CCDC40: variants seen among roughly 807,000 people sequenced by gnomAD.
The protein encoded by CCDC40 is coiled-coil domain 40 molecular ruler complex subunit, also known as coiled-coil domain-containing protein 40.
CCDC40 carries 104 observed loss-of-function variants against 124.5 expected under a neutral mutation model. That is an observed-to-expected ratio of 0.84 (90% CI 0.71 to 0.98). The LOEUF (loss-of-function observed/expected upper bound fraction) is 0.98, where lower values mean the gene tolerates loss of function less well. CCDC40 is among the 50% of genes least tolerant of loss of function. CCDC40 has a pLI of 0.00. For synonymous variants in CCDC40, 580 were observed against 602.9 expected (o/e 0.96, Z 0.56); for missense variants, 1,463 against 1,503.9 (o/e 0.97, Z 0.45).
intron 18 of CCDC40, 98 bp downstream of exon 18, chr17:80,095,549 C>G: frequency 1.7e-6 from 2 of 1,171,964 alleles, no homozygotes; most frequent in Non-Finnish European, 2.5e-6. Flanking sequence ...GGTGAGGATG[C>G]AGAGGCTGCA....
intron 10 of CCDC40, among the ~76,000 whole-genome samples, chr17:80,072,247 G>A (rs1001555710): frequency 6.6e-6 from 1 of 152,068 alleles, no homozygotes; most frequent in Admixed American, 6.6e-5. Flanking sequence ...GCTGATCTAC[G>A]GAGTTTTTAA....
intron 18 of CCDC40, among the ~76,000 whole-genome samples, chr17:80,095,905 T>C (rs1019088937): frequency 6.6e-6 from 1 of 152,106 alleles, no homozygotes; most frequent in Non-Finnish European, 1.5e-5. Flanking sequence ...GACCAGCTGA[T>C]GGGAGCGGGG....
At chr17:80,073,925 A>G (rs754966587) in intron 10 of CCDC40, among the ~76,000 whole-genome samples, 9 of 152,064 alleles carry the variant, frequency 5.9e-5, no homozygotes, top group Non-Finnish European at 1.2e-4. Context: ...ACGTCAAATG[A>G]TCTGCCTGCC....
intron 3 of CCDC40, among the ~76,000 whole-genome samples, chr17:80,042,194 C>G (rs1004184485): frequency 7.2e-5 from 11 of 152,156 alleles, no homozygotes; most frequent in Non-Finnish European, 1.6e-4. Flanking sequence ...TCTTGGTTCA[C>G]AGCAACCTCT....
chr17:80,037,720 T>TATATATA (rs1555889200), intron 1 of CCDC40, among the ~76,000 whole-genome samples: 55 of 141,358 alleles, frequency 3.9e-4, no homozygotes, highest in East Asian at 1.1e-3. Context: ...TATATATATA[T>TATATATA]TCCTGTGCTA....
chr17:80,082,484 G>A (rs984211509), intron 12 of CCDC40, among the ~76,000 whole-genome samples: 2 of 151,844 alleles, frequency 1.3e-5, no homozygotes, highest in Non-Finnish European at 2.9e-5. Flanking sequence ...AGGGGTGACC[G>A]CCTCCCCAAC....
chr17:80,045,474 C>G (rs902622975), intron 3 of CCDC40, among the ~76,000 whole-genome samples: 1 of 152,082 alleles, frequency 6.6e-6, no homozygotes, highest in Non-Finnish European at 1.5e-5. Flanking sequence ...GAGGCCGAGG[C>G]GGGTGGATCA....
chr17:80,050,242 A>G lies in CCDC40; in HGVS notation c.1118A>G (p.Tyr373Cys). 1 of 1,594,774 alleles carries G rather than the reference A, an allele frequency of 6.3e-7. No homozygotes were observed. Among genetic ancestry groups the G allele is most frequent in the Non-Finnish European group, 8.5e-7 (1 of 1,172,296 alleles). ...GAGCTGCAGGCCGCCCGCGCTCTCT[A>G]CACCAAGACCTGCGCAGCCGCCAAC... ...EEELQAARAL[Y>C]TKTCAAANEE... The change falls in exon 7 of 20, where the codon TAC becomes TGC. Residue 373 changes from tyrosine to cysteine, a missense_variant. Transcript: ENST00000397545.
At chr17:80,080,099 C>A (rs143240486) in intron 10 of CCDC40, among the ~76,000 whole-genome samples, 516 of 152,186 alleles carry the variant, frequency 3.4e-3, no homozygotes, top group African/African-American at 0.012. Flanking sequence ...GTGGCACACA[C>A]CTGTAATCCC....
At chr17:80,085,721 G>T (rs934355802) in intron 13 of CCDC40, among the ~76,000 whole-genome samples, 8 of 146,934 alleles carry the variant, frequency 5.4e-5, no homozygotes, top group Non-Finnish European at 1.2e-4. Context: ...GCCCAGGCTG[G>T]AGTGCAGTGG....
chr17:80,072,111 A>T (rs931675605), intron 10 of CCDC40, among the ~76,000 whole-genome samples: 1 of 152,016 alleles, frequency 6.6e-6, no homozygotes, highest in Non-Finnish European at 1.5e-5. Context: ...AAGTGCTGGG[A>T]ATTACAGGCG....
At chr17:80,078,836 A>G (rs1021287526) in intron 10 of CCDC40, among the ~76,000 whole-genome samples, 4 of 152,188 alleles carry the variant, frequency 2.6e-5, no homozygotes, top group African/African-American at 9.7e-5. Context: ...AACTGAAATT[A>G]CATTGAATCC....
chr17:80,038,836 A>T (rs1418005306), intron 2 of CCDC40, among the ~76,000 whole-genome samples: 1 of 152,184 alleles, frequency 6.6e-6, no homozygotes, highest in African/African-American at 2.4e-5. Flanking sequence ...AAATAGATAA[A>T]TAAAATTAAA....
In CCDC40 at chr17:80,049,996, A is replaced by T. The variant is rs1469707636; in HGVS notation, c.939+7A>T. 1 of 1,613,924 alleles carries T rather than the reference A, an allele frequency of 6.2e-7. No homozygotes were observed. On this transcript the variant is annotated splice_region_variant and intron_variant, in intron 6 of 19. Coordinates refer to ENST00000397545, the MANE Select transcript of CCDC40 (RefSeq NM_017950.4). ...GCTGGACCTCCAAGAGCTGGTGTGT[A>T]TCCGTCCAGTCTCCCACCCTGGTCG...
chr17:80,086,352 A>G lies in CCDC40; in HGVS notation c.2449+136A>G, dbSNP rs1276948779. The G allele has an allele frequency of 2.8e-6, 2 of 720,910 alleles. No individual in the cohort carries two copies. Among genetic ancestry groups the G allele is most frequent in the Non-Finnish European group, 4.9e-6 (2 of 409,288 alleles). The allele number at this position is 720,910 out of a possible 1,614,324, so 44.7% of individuals were successfully genotyped here. On this transcript the variant is annotated intron_variant, in intron 14 of 19. Transcript: ENST00000397545. This position sits in a 1 kb window ranked among gnomAD's most constrained non-coding sequence, Gnocchi z 5.5. ...CCTTAAAAGCAAATAACAAACGCGC[A>G]TGCTCCCTGTATTTTGTAAATGTGA...
At chr17:80,084,703 T>G (rs1568709391) in intron 12 of CCDC40, 40 bp from the exon 13 acceptor site, 1 of 1,612,192 alleles carries the variant, frequency 6.2e-7, no homozygotes, top group South Asian at 1.1e-5. Context: ...GGGCCTTGGG[T>G]GGGGGCAATA....
At position 80,099,687 on chromosome 17, in the gene CCDC40, T is replaced by C; in HGVS notation, c.3341T>C (p.Val1114Ala). 1 of 1,613,830 alleles carries C rather than the reference T, an allele frequency of 6.2e-7. No homozygotes were observed. The highest frequency in any genetic ancestry group is 8.5e-7 in the Non-Finnish European group (1 of 1,180,016). ...LALIATILDR[V>A]RDEYPQFQEA... ...CTCATCGCCACCATCCTGGACCGCG[T>C]GCGGGACGAGTACCCCCAGTTCCAG... The change falls in exon 20 of 20, where the codon GTG (valine) becomes GCG (alanine). Residue 1114 changes from valine to alanine, a missense_variant. Physicochemically the swap from Val to Ala is moderately conservative, Grantham distance 64. Coordinates refer to ENST00000397545, the MANE Select transcript of CCDC40 (RefSeq NM_017950.4).
At position 80,065,539 on chromosome 17, in the gene CCDC40, T is replaced by A. The variant is rs759586308; in HGVS notation, c.1495T>A (p.Trp499Arg). ...SVEKRRIMQQWASSLVGMKHR... is the reference protein window; with the variant it reads ...SVEKRRIMQQRASSLVGMKHR... ...GGAGAAGAGGCGCATCATGCAGCAA[T>A]GGGCCAGCAGCCTGGTGGGCATGAA... The change falls in exon 10 of 20, where the codon TGG becomes AGG. Residue 499 changes from tryptophan to arginine, a missense_variant. By Grantham distance (101) the Trp-to-Arg change is moderately radical. Transcript: ENST00000397545. The A allele has an allele frequency of 1.9e-6, 3 of 1,612,186 alleles. No individual in the cohort carries two copies. Among genetic ancestry groups the A allele is most frequent in the Non-Finnish European group, 2.5e-6 (3 of 1,179,836 alleles).
rs536862141 is a variant in CCDC40, at chr17:80,087,550, G to A, written c.2450-57G>A. 3.7e-4 allele frequency: 544 copies of A among 1,454,062 alleles called. 1 individual carries two copies. The African/African-American group carries it at 6.2e-3, about 17-fold the overall frequency. 90.1% of individuals were successfully genotyped at this position (1,454,062 alleles called of 1,614,324 possible). On this transcript the variant is annotated intron_variant, in intron 14 of 19. Transcript: ENST00000397545. The surrounding 1 kb of genome is among the most constrained non-coding windows in gnomAD (Gnocchi z 4.5). ...TCACCTCTCGGACACTGCTGCCTGCGGGCGAGGACCCGTACCCTCCTGGGG... is the reference window on the plus strand; with the variant it reads ...TCACCTCTCGGACACTGCTGCCTGCAGGCGAGGACCCGTACCCTCCTGGGG...
Sources: allele counts gnomAD v4.1 joint callset (sites outside exome capture counted in the v4.1 genomes callset), GRCh38; gene constraint gnomAD v4.1.1; non-coding constraint Gnocchi (gnomAD v3.1); transcripts MANE v1.5; gene names NCBI Gene and HGNC (gene_info 2026-07-23, HGNC 2026-07-21).